Variants in UBA3 observed in about 807,000 individuals in gnomAD.
UBA3 encodes NEDD8-activating enzyme E1 catalytic subunit.
In UBA3, 26 loss-of-function variants were observed where a neutral mutation model predicts 73.5. The observed-to-expected ratio is 0.35, with a 90% CI of 0.26 to 0.49. The LOEUF is 0.49. UBA3 is among the 20% of genes least tolerant of loss of function. UBA3 has a pLI of 0.98. For synonymous variants in UBA3, 217 were observed against 191.2 expected, an observed-to-expected ratio of 1.13 and a Z score of -1.11; for missense variants, 495 against 555.6, an observed-to-expected ratio of 0.89 and a Z score of 1.10.
intron 3 of UBA3, among the ~76,000 whole-genome samples, chr3:69,075,763 G>A (rs1040257501): frequency 2.6e-5 from 4 of 151,156 alleles, no homozygotes; most frequent in South Asian, 2.1e-4. Context: ...ACGGAGTCTC[G>A]CTCTTGTCAC....
At position 69,062,119 on chromosome 3, in the gene UBA3, A is replaced by G. The variant is rs772258723; in HGVS notation, c.754T>C (p.Tyr252His). Residue 252 changes from tyrosine (Y) to histidine (H), a missense_variant, in exon 10 of 18, where the codon TAT becomes CAT. Transcript: ENST00000361055. ...TTAGGCCACTGCAACATCCTTACAT[A>G]CTCAATACAGTGTTCTGGTAGCCTG... The part of the protein sequence containing the change: ...MPRLPEHCIE[Y>H]VRMLQWPKEQ... 1.2e-6 allele frequency: 2 copies of G among 1,613,690 alleles called. No individual in the cohort carries two copies. The highest frequency in any genetic ancestry group is 3.3e-5 in the Admixed American group (2 of 60,016).
At chr3:69,056,494 TAATAAGTA>T in intron 14 of UBA3, 110 bp downstream of exon 14, 1 of 924,254 alleles carries the variant, frequency 1.1e-6, no homozygotes, top group South Asian at 1.8e-5. Flanking sequence ...AAAAGATATA[TAATAAGTA>T]GAGTTCTGGA....
At chr3:69,077,717 A>C in intron 3 of UBA3, 81 bp downstream of exon 3, 1 of 1,387,542 alleles carries the variant, frequency 7.2e-7, no homozygotes, top group Non-Finnish European at 9.6e-7. Context: ...TCATTGTAAG[A>C]GCAAATTAAA....
At chr3:69,064,310 C>T (rs966950566) in intron 6 of UBA3, among the ~76,000 whole-genome samples, 199 bp from the exon 7 acceptor site, 6 of 152,196 alleles carry the variant, frequency 3.9e-5, no homozygotes, top group African/African-American at 1.4e-4. Flanking sequence ...CCTCCCCTAA[C>T]TACTTACTTT....
rs1337312072 is a variant in UBA3 at position 69,064,117 on chromosome 3, T to A, written c.429-6A>T. 1.2e-6 allele frequency: 2 copies of A among 1,600,394 alleles called. No homozygotes were observed. Among genetic ancestry groups the A allele is most frequent in the African/African-American group, 1.4e-5 (1 of 74,012 alleles). ...CTTGAATCTTGTTGAAATGTCTGAA[T>A]ACAAGTAAAGGAACTTAAGCAGCTA... On this transcript the variant is annotated splice_region_variant and splice_polypyrimidine_tract_variant and intron_variant, in intron 6 of 17. Coordinates refer to ENST00000361055, the MANE Select transcript of UBA3 (RefSeq NM_003968.4).
chr3:69,077,679 G>A (rs970619563), intron 3 of UBA3, 119 bp downstream of exon 3: 2 of 1,145,722 alleles, frequency 1.7e-6, no homozygotes, highest in Non-Finnish European at 2.3e-6. Flanking sequence ...GAAAAATTTA[G>A]TTTCACAAAA....
At chr3:69,062,893 AC>A in intron 9 of UBA3, 88 bp downstream of exon 9, 6 of 1,477,236 alleles carry the variant, frequency 4.1e-6, no homozygotes, top group Non-Finnish European at 5.5e-6. Flanking sequence ...CTTCTAATTA[AC>A]AATCCTAAAT....
chr3:69,073,467 A>G (rs2092138178), intron 4 of UBA3, among the ~76,000 whole-genome samples: 1 of 151,952 alleles, frequency 6.6e-6, no homozygotes. Context: ...TTCCCTTCAC[A>G]CCATTTGACA....
Position 69,056,798 on chromosome 3 carries a change from C to A in UBA3, c.982G>T (p.Val328Phe), listed in dbSNP as rs766719466. Residue 328 changes from valine (V) to phenylalanine (F), a missense_variant, in exon 13 of 18, where the codon GTT (valine) becomes TTT (phenylalanine). Coordinates refer to ENST00000361055, the MANE Select transcript of UBA3 (RefSeq NM_003968.4). ...AVIAAVCATE[V>F]FKIATSAYIP... Reference sequence around the variant, plus strand: ...TATTACCTTGTGGCTATTTTAAAAACCTCAGTGGCACACACAGCTGAAGGG... The same window carrying A: ...TATTACCTTGTGGCTATTTTAAAAAACTCAGTGGCACACACAGCTGAAGGG... 6.2e-7 allele frequency: 1 copy of A among 1,612,930 alleles called. No homozygotes were observed. The highest frequency in any genetic ancestry group is 2.2e-5 in the East Asian group (1 of 44,770).
Position 69,057,377 on chromosome 3 carries a change from G to C in UBA3, c.911-68C>G, listed in dbSNP as rs571815748. The C allele has an allele frequency of 1.1e-5, 15 of 1,381,204 alleles. No individual in the cohort carries two copies. In the African/African-American group the frequency reaches 1.5e-4, roughly 13 times the overall value. 85.6% of individuals were successfully genotyped at this position (1,381,204 alleles called of 1,614,324 possible). On this transcript the variant is annotated intron_variant, in intron 11 of 17. Coordinates refer to ENST00000361055, the MANE Select transcript of UBA3 (RefSeq NM_003968.4). ...TAAAAGAGTTCTCTTAAATTAGAAGGCATGATTATTAAATACCATTTTCTA... is the reference window on the plus strand; with the variant it reads ...TAAAAGAGTTCTCTTAAATTAGAAGCCATGATTATTAAATACCATTTTCTA...
intron 11 of UBA3, 48 bp downstream of exon 11, chr3:69,061,766 G>A: frequency 7.9e-7 from 1 of 1,264,834 alleles, no homozygotes; most frequent in South Asian, 1.3e-5. Context: ...AAGCATCCCA[G>A]CCCTAAGTCA....
At chr3:69,071,312 G>A (rs1420777203) in intron 5 of UBA3, 2 of 381,394 alleles carry the variant, frequency 5.2e-6, no homozygotes, top group African/African-American at 2.2e-5. Flanking sequence ...AGACTTCTTC[G>A]AAAAAACAAA....
At chr3:69,062,203 C>T (rs767278291) in intron 9 of UBA3, 24 bp from the exon 10 acceptor site, 2 of 1,473,204 alleles carry the variant, frequency 1.4e-6, no homozygotes, top group Non-Finnish European at 9.4e-7. Context: ...TTGTCCTTTT[C>T]AGTGAATTTT....
At chr3:69,056,393 T>C (rs2091974015) in intron 14 of UBA3, 110 bp from the exon 15 acceptor site, 2 of 1,027,622 alleles carry the variant, frequency 1.9e-6, no homozygotes, top group African/African-American at 1.6e-5. Context: ...ATATTTCCTA[T>C]AAAAAAATTT....
chr3:69,077,529 CA>C (rs1683650227), intron 3 of UBA3: 2 of 295,760 alleles, frequency 6.8e-6, no homozygotes, highest in African/African-American at 2.2e-5. Context: ...GAGTATGTTT[CA>C]GAAAGCATTT....
At chr3:69,080,022 C>T in intron 2 of UBA3, 90 bp downstream of exon 2, 1 of 1,285,934 alleles carries the variant, frequency 7.8e-7, no homozygotes, top group Non-Finnish European at 1.1e-6. Context: ...CCTCCCAGCC[C>T]CCCGGGCCCG....
intron 11 of UBA3, among the ~76,000 whole-genome samples, chr3:69,058,800 G>A (rs2091998207): frequency 6.6e-6 from 1 of 152,162 alleles, no homozygotes; most frequent in South Asian, 2.1e-4. Flanking sequence ...CTGAGAACAA[G>A]GGGAAAAATC....
intron 6 of UBA3, among the ~76,000 whole-genome samples, chr3:69,066,286 C>T (rs554796890): frequency 2.0e-5 from 3 of 152,176 alleles, no homozygotes; most frequent in Admixed American, 6.5e-5. Flanking sequence ...CCCACCTTAG[C>T]CTCCCAAGCA....
At chr3:69,063,542 T>C (rs1474875170) in intron 7 of UBA3, 39 bp from the exon 8 acceptor site, 1 of 1,468,894 alleles carries the variant, frequency 6.8e-7, no homozygotes, top group East Asian at 2.3e-5. Flanking sequence ...TTTTTAAATA[T>C]GTAGTTGCAT....
Sources: allele counts gnomAD v4.1 joint callset (sites outside exome capture counted in the v4.1 genomes callset), GRCh38; gene constraint gnomAD v4.1.1; transcripts MANE v1.5; gene names NCBI Gene and HGNC (gene_info 2026-07-23, HGNC 2026-07-21).